Variants in CDC73 observed in about 807,000 individuals in gnomAD.
CDC73 encodes cell division cycle 73.
CDC73 carries 21 observed loss-of-function variants against 83.7 expected under a neutral mutation model. The ratio of observed to expected loss-of-function variants is 0.25; its 90% CI spans 0.18 to 0.36. CDC73 has a LOEUF of 0.36. Among genes scored for constraint, CDC73 ranks in the 10% least tolerant of loss-of-function variants. The probability of loss-of-function intolerance (pLI) is 1.00; values close to 1 mark genes in which losing one functional copy is unlikely to be tolerated. For synonymous variants in CDC73, 224 were observed against 212.9 expected, an observed-to-expected ratio of 1.05 and a Z score of -0.45; for missense variants, 342 against 653.3, an observed-to-expected ratio of 0.52 and a Z score of 5.19.
At chr1:193,232,457 T>TACAC (rs142845942) in intron 13 of CDC73, among the ~76,000 whole-genome samples, 7 of 150,450 alleles carry the variant, frequency 4.7e-5, no homozygotes, top group African/African-American at 7.3e-5. Flanking sequence ...TACACACACA[T>TACAC]ACACACACAC....
At chr1:193,242,937 TTTCTTCTTCTTC>T (rs764891987) in intron 15 of CDC73, among the ~76,000 whole-genome samples, 1 of 151,740 alleles carries the variant, frequency 6.6e-6, no homozygotes, top group Non-Finnish European at 1.5e-5. Context: ...TTTATTTCTT[TTTCTTCTTCTTC>T]TTCTTCTTTT....
At chr1:193,185,971 A>G (rs1355613771) in intron 10 of CDC73, 1 of 152,204 alleles carries the variant, frequency 6.6e-6, no homozygotes, top group Non-Finnish European at 1.5e-5. Flanking sequence ...CAGGGCTATA[A>G]AAAGGTAACA....
intron 14 of CDC73, among the ~76,000 whole-genome samples, chr1:193,233,446 G>A (rs1677696880): frequency 6.6e-6 from 1 of 152,268 alleles, no homozygotes; most frequent in African/African-American, 2.4e-5. Context: ...TTTATCATGG[G>A]TTCTAAATAG....
At chr1:193,238,189 T>C (rs745732061) in intron 15 of CDC73, among the ~76,000 whole-genome samples, 11 of 152,202 alleles carry the variant, frequency 7.2e-5, no homozygotes, top group Non-Finnish European at 1.2e-4. Flanking sequence ...GAACTGTTCT[T>C]TCTCTTTCAC....
Position 193,174,235 on chromosome 1 carries a change from T to C in CDC73, c.972+21791T>C, listed in dbSNP as rs1676566842. On this transcript the variant is annotated intron_variant, in intron 10 of 16. Coordinates refer to ENST00000367435, the MANE Select transcript of CDC73 (RefSeq NM_024529.5). ...TCCTTCCAGTTGTTTGTCTGGAACA[T>C]TCTTCCTCTTGCTCTTAATAAGACT... Among the ~76,000 whole-genome samples the C allele has an allele frequency of 2.0e-5, 3 of 152,144 alleles. No homozygotes were observed. In the South Asian group the frequency reaches 6.2e-4, roughly 32 times the overall value.
At chr1:193,166,846 G>T (rs1005650188) in intron 10 of CDC73, among the ~76,000 whole-genome samples, 2 of 151,864 alleles carry the variant, frequency 1.3e-5, no homozygotes, top group South Asian at 2.1e-4. Context: ...GGGTTTCTCC[G>T]TGTTGGTCAG....
Position 193,249,718 on chromosome 1 carries a change from C to T in CDC73, c.1418-12C>T, listed in dbSNP as rs2102073203. 1.2e-6 allele frequency: 2 copies of T among 1,600,352 alleles called. No homozygotes were observed. The highest frequency in any genetic ancestry group is 1.7e-6 in the Non-Finnish European group (2 of 1,168,170). On this transcript the variant is annotated splice_polypyrimidine_tract_variant and intron_variant, in intron 15 of 16. Coordinates refer to ENST00000367435, the MANE Select transcript of CDC73 (RefSeq NM_024529.5). ...GAGTAAAAATGATAACTTCTCTCCA[C>T]CCTCTCTATAGTTAAAGCCTTCCAT...
chr1:193,209,182 T>G (rs757547779), intron 11 of CDC73, among the ~76,000 whole-genome samples: 1 of 152,236 alleles, frequency 6.6e-6, no homozygotes, highest in Non-Finnish European at 1.5e-5. Flanking sequence ...AGAATCTAAT[T>G]TATTTGAAAT....
In CDC73 at chr1:193,203,810, CG is replaced by C; in HGVS notation, c.990del (p.Lys331ArgfsTer33). ...LKSVTEGASA[R>X]KTQTPAAQPV... ...TCTTTTAAAGGAGGGTGCATCTGCCCGGAAGACTCAGACTCCTGCAGCCCAG... is the reference window on the plus strand; with the variant it reads ...TCTTTTAAAGGAGGGTGCATCTGCCCGAAGACTCAGACTCCTGCAGCCCAG... On this transcript the variant is annotated frameshift_variant, in exon 11 of 17. Transcript: ENST00000367435. LOFTEE classifies it high-confidence loss of function. 1 of 1,613,168 alleles carries C rather than the reference CG, an allele frequency of 6.2e-7. No homozygotes were observed. The highest frequency in any genetic ancestry group is 8.5e-7 in the Non-Finnish European group (1 of 1,179,350).
chr1:193,162,535 G>A (rs535055446), intron 10 of CDC73, among the ~76,000 whole-genome samples: 1 of 151,108 alleles, frequency 6.6e-6, no homozygotes, highest in South Asian at 2.1e-4. Flanking sequence ...ACCACGGCCT[G>A]GCAATTTTTT....
chr1:193,150,156 A>AGCT, intron 8 of CDC73, 148 bp from the exon 9 acceptor site: 1 of 654,764 alleles, frequency 1.5e-6, no homozygotes, highest in Admixed American at 2.2e-5. Flanking sequence ...CTGTGGTCCC[A>AGCT]GCTACTTGGA....
rs1267042655 is a variant in CDC73, at chr1:193,251,717, A to G, written c.*1005A>G. On this transcript the variant is annotated 3_prime_UTR_variant, in exon 17 of 17. Transcript: ENST00000367435. ...ACTGGTATTTTTATGTCTGTATTCA[A>G]TATGGTATAAAATATAAAAACTATA... 2.2e-5 allele frequency: 5 copies of G among 232,078 alleles called. No individual in the cohort carries two copies. The highest frequency in any genetic ancestry group is 3.4e-5 in the Non-Finnish European group (4 of 117,058). The allele number at this position is 232,078 out of a possible 1,614,324, so 14.4% of individuals were successfully genotyped here. A position where few individuals can be genotyped will look rare whatever the true frequency, so the allele number is the denominator to read the frequency against.
chr1:193,222,755 G>GC (rs1677494206), intron 13 of CDC73, among the ~76,000 whole-genome samples: 1 of 100,050 alleles, frequency 1.0e-5, no homozygotes, highest in African/African-American at 3.4e-5. Context: ...CATGAAATAA[G>GC]CTTTTTTTTT....
At chr1:193,208,297 G>A (rs1456018608) in intron 11 of CDC73, among the ~76,000 whole-genome samples, 1 of 152,212 alleles carries the variant, frequency 6.6e-6, no homozygotes, top group African/African-American at 2.4e-5. Context: ...GGGTCTCAGT[G>A]TGGTCGGTTG....
rs1323646186 is a variant in CDC73, at chr1:193,252,501, G to A, written c.*1789G>A. 4 of 229,350 alleles carry A rather than the reference G, an allele frequency of 1.7e-5. No individual in the cohort carries two copies. Among genetic ancestry groups the A allele is most frequent in the Non-Finnish European group, 3.5e-5 (4 of 115,798 alleles). The allele number at this position is 229,350 out of a possible 1,614,324, so 14.2% of individuals were successfully genotyped here. The stretch of plus-strand genomic sequence containing the variant: ...ATGAACTTTACTTGAGACAGAATAT[G>A]GTTAAAATTAGGAACATCTACTTTG... On this transcript the variant is annotated 3_prime_UTR_variant, in exon 17 of 17. Coordinates refer to ENST00000367435, the MANE Select transcript of CDC73 (RefSeq NM_024529.5).
chr1:193,237,190 A>T (rs1458826618), intron 15 of CDC73: 1 of 151,952 alleles, frequency 6.6e-6, no homozygotes, highest in Non-Finnish European at 1.5e-5. Context: ...AGTTATTATG[A>T]ATGTCAATTG....
In CDC73 at chr1:193,210,912, C is replaced by A. The variant is rs368131362; in HGVS notation, c.1031-1153C>A. On this transcript the variant is annotated intron_variant, in intron 11 of 16. Transcript: ENST00000367435. ...AAAAAAAATAAAAGGAATCTTTTAGCCTTAGATCTCAATAACTTCTTTCCT... is the reference window on the plus strand; with the variant it reads ...AAAAAAAATAAAAGGAATCTTTTAGACTTAGATCTCAATAACTTCTTTCCT... Among the ~76,000 whole-genome samples, 53 of 152,214 alleles carry A rather than the reference C, an allele frequency of 3.5e-4. No homozygotes were observed. In the East Asian group the frequency reaches 4.4e-3, roughly 13 times the overall value.
At chr1:193,226,671 A>G (rs559224621) in intron 13 of CDC73, among the ~76,000 whole-genome samples, 19 of 152,184 alleles carry the variant, frequency 1.2e-4, no homozygotes, top group Non-Finnish European at 2.5e-4. Flanking sequence ...TATGAAACCC[A>G]TTTGATCATG....
intron 10 of CDC73, among the ~76,000 whole-genome samples, chr1:193,200,542 C>G (rs763158757): frequency 1.1e-4 from 16 of 152,110 alleles, no homozygotes; most frequent in Non-Finnish European, 1.5e-5. Flanking sequence ...TCTAGAATGC[C>G]TCAAGTCTTG....
Sources: allele counts gnomAD v4.1 joint callset (sites outside exome capture counted in the v4.1 genomes callset), GRCh38; gene constraint gnomAD v4.1.1; transcripts MANE v1.5; gene names NCBI Gene and HGNC (gene_info 2026-07-23, HGNC 2026-07-21).